Variants in SLC20A1 observed in about 807,000 individuals in gnomAD.
SLC20A1 encodes solute carrier family 20 member 1, also known as sodium-dependent phosphate transporter 1.
In SLC20A1, 28 loss-of-function variants were observed where a neutral mutation model predicts 62.7. The observed-to-expected ratio is 0.45, with a 90% CI of 0.33 to 0.61. The LOEUF (loss-of-function observed/expected upper bound fraction) is 0.61. SLC20A1 is among the 20% of genes least tolerant of loss of function. The pLI, the probability that SLC20A1 is intolerant of heterozygous loss-of-function variation, is 0.02. For synonymous variants in SLC20A1, 305 were observed against 302.9 expected (o/e 1.01, Z -0.07); for missense variants, 673 against 838.6 (o/e 0.80, Z 2.44).
Position 112,659,697 on chromosome 2 carries a change from C to T in SLC20A1, c.1542C>T (p.Leu514=), listed in dbSNP as rs371081476. 7.4e-6 allele frequency: 12 copies of T among 1,614,126 alleles called. No individual in the cohort carries two copies. Among genetic ancestry groups the T allele is most frequent in the East Asian group, 2.2e-5 (1 of 44,898 alleles). The change falls in exon 8 of 11, where the codon CTC becomes CTT. Residue 514 remains leucine, a synonymous_variant. Coordinates refer to ENST00000272542, the MANE Select transcript of SLC20A1 (RefSeq NM_005415.5). ...YDQDKPEVSL[L]FQFLQILTAC... is the part of the protein sequence containing the mutation. ...AGGATAAGCCTGAAGTCTCTCTCCT[C>T]TTCCAGTTCCTGCAGATCCTTACAG...
rs143125270 is a variant in SLC20A1 at position 112,657,620 on chromosome 2, A to G, written c.778+379A>G. Among the ~76,000 whole-genome samples the G allele has an allele frequency of 3.2e-4, 49 of 152,376 alleles. 1 individual carries two copies. The highest frequency in any genetic ancestry group is 1.4e-3 in the South Asian group (7 of 4,832). ...CCTTAATGAAAAATAAGGGGTAGAT[A>G]CAAGATATTTTCGTAGAGGAAATAT... On this transcript the variant is annotated intron_variant, in intron 6 of 10. Coordinates refer to ENST00000272542, the MANE Select transcript of SLC20A1 (RefSeq NM_005415.5).
chr2:112,661,170 C>T lies in SLC20A1; in HGVS notation c.1822C>T (p.Leu608Phe), dbSNP rs749190745. Residue 608 changes from leucine (L) to phenylalanine (F), a missense_variant, in exon 10 of 11, where the codon CTC becomes TTC. Physicochemically the swap from Leu to Phe is conservative, Grantham distance 22 (BLOSUM62 0). Transcript: ENST00000272542. ...SGFSIELASA[L>F]TVVIASNIGL... The stretch of plus-strand genomic sequence containing the variant: ...CTTCAGTATTGAACTGGCATCTGCC[C>T]TCACTGTGGTGATTGCATCAAATAT... The T allele has an allele frequency of 6.2e-7, 1 of 1,614,096 alleles. No individual in the cohort carries two copies. The highest frequency in any genetic ancestry group is 8.5e-7 in the Non-Finnish European group (1 of 1,179,936).
At position 112,647,123 on chromosome 2, in the gene SLC20A1, C is replaced by G. The variant is rs765731739; in HGVS notation, c.295C>G (p.Gln99Glu). The change falls in exon 2 of 11, where the codon CAA (glutamine) becomes GAA (glutamate). Residue 99 changes from glutamine (Q) to glutamate (E), a missense_variant. Transcript: ENST00000272542. ...LIDVEMYNSTQGLLMAGSVSA... is the reference protein window; with the variant it reads ...LIDVEMYNSTEGLLMAGSVSA... ...TGACGTGGAGATGTACAACTCGACT[C>G]AAGGGCTGCTGATGGCCGGCTCAGT... 12 of 1,614,052 alleles carry G rather than the reference C, an allele frequency of 7.4e-6. No homozygotes were observed. The highest frequency in any genetic ancestry group is 9.3e-6 in the Non-Finnish European group (11 of 1,179,956).
At chr2:112,653,021 C>A in intron 5 of SLC20A1, 1 of 1,077,100 alleles carries the variant, frequency 9.3e-7, no homozygotes. Context: ...CAGACCTTTC[C>A]TCTTTAGTCT....
intron 7 of SLC20A1, 36 bp downstream of exon 7, chr2:112,659,130 G>A (rs760128169): frequency 5.0e-6 from 8 of 1,609,372 alleles, no homozygotes; most frequent in Non-Finnish European, 5.9e-6. Flanking sequence ...TTTGTTACCT[G>A]CAGTGGTGAG....
At chr2:112,661,849 G>T (rs984098595) in intron 10 of SLC20A1, among the ~76,000 whole-genome samples, 3 of 151,924 alleles carry the variant, frequency 2.0e-5, no homozygotes, top group African/African-American at 7.2e-5. Context: ...GCGCCCGGCC[G>T]ACAGCATTAT....
chr2:112,647,834 A>G, intron 4 of SLC20A1, 96 bp downstream of exon 4: 3 of 968,772 alleles, frequency 3.1e-6, no homozygotes, highest in South Asian at 2.7e-5. Context: ...GTGTATAGGT[A>G]TGCGGCCTTG....
At chr2:112,654,753 A>G (rs1462822642) in intron 5 of SLC20A1, among the ~76,000 whole-genome samples, 1 of 151,852 alleles carries the variant, frequency 6.6e-6, no homozygotes, top group Non-Finnish European at 1.5e-5. Flanking sequence ...AAAACTAACC[A>G]GGTGCAGTGG....
rs1421429885 is a variant in SLC20A1, at chr2:112,658,717, A to G, written c.779-108A>G. The G allele has an allele frequency of 3.3e-6, 4 of 1,213,166 alleles. No individual in the cohort carries two copies. The African/African-American group carries it at 4.6e-5, about 14-fold the overall frequency. 75.2% of individuals were successfully genotyped at this position (1,213,166 alleles called of 1,614,324 possible). A position where few individuals can be genotyped will look rare whatever the true frequency, so the allele number is the denominator to read the frequency against. ...TTCCTGAATGTTAATTGAAGTTCAC[A>G]TACATTCTTGTTTTGAGATGAGTTT... On this transcript the variant is annotated intron_variant, in intron 6 of 10. Coordinates refer to ENST00000272542, the MANE Select transcript of SLC20A1 (RefSeq NM_005415.5).
intron 5 of SLC20A1, among the ~76,000 whole-genome samples, chr2:112,656,223 T>C (rs139964962): frequency 0.018 from 2,327 of 131,380 alleles, 59 homozygotes; most frequent in African/African-American, 0.063. Flanking sequence ...TGAGACAAAG[T>C]CTGACTTTGT....
chr2:112,651,579 G>C (rs1686437700), intron 4 of SLC20A1, among the ~76,000 whole-genome samples: 1 of 151,644 alleles, frequency 6.6e-6, no homozygotes, highest in Non-Finnish European at 1.5e-5. Context: ...TAATTTTTTT[G>C]GTATTTTTAG....
Position 112,646,749 on chromosome 2 carries a change from T to C in SLC20A1, c.-80T>C, listed in dbSNP as rs992246700. Reference sequence around the variant, plus strand: ...ATAATATATATTATTTATTATAGCATTTTTGATACCTCATATTCTGTTTAC... The same window carrying C: ...ATAATATATATTATTTATTATAGCACTTTTGATACCTCATATTCTGTTTAC... On this transcript the variant is annotated 5_prime_UTR_variant, in exon 2 of 11. Coordinates refer to ENST00000272542, the MANE Select transcript of SLC20A1 (RefSeq NM_005415.5). 2.5e-5 allele frequency: 20 copies of C among 808,390 alleles called. No homozygotes were observed. Among genetic ancestry groups the C allele is most frequent in the Non-Finnish European group, 3.7e-5 (19 of 518,206 alleles). The allele number at this position is 808,390 out of a possible 1,614,324, so 50.1% of individuals were successfully genotyped here.
intron 1 of SLC20A1, 140 bp from the exon 2 acceptor site, chr2:112,646,420 CCTT>C (rs1408766855): frequency 2.6e-5 from 4 of 152,250 alleles, no homozygotes; most frequent in Admixed American, 1.3e-4. Flanking sequence ...ACGTGCCTCT[CCTT>C]CTCGCGCGTC....
At chr2:112,653,514 C>T (rs1264100312) in intron 5 of SLC20A1, among the ~76,000 whole-genome samples, 1 of 152,166 alleles carries the variant, frequency 6.6e-6, no homozygotes, top group African/African-American at 2.4e-5. Context: ...ACTACATAGG[C>T]AGTGACTTTT....
At chr2:112,657,513 TTA>T (rs1307622013) in intron 6 of SLC20A1, among the ~76,000 whole-genome samples, 1 of 152,216 alleles carries the variant, frequency 6.6e-6, no homozygotes, top group Non-Finnish European at 1.5e-5. Flanking sequence ...TTGAATTTTT[TTA>T]TGTTCCTTGA....
chr2:112,662,913 A>C lies in SLC20A1; in HGVS notation c.1928A>C (p.Asp643Ala). 1 of 1,614,046 alleles carries C rather than the reference A, an allele frequency of 6.2e-7. No homozygotes were observed. Among genetic ancestry groups the C allele is most frequent in the Non-Finnish European group, 8.5e-7 (1 of 1,179,996 alleles). The change falls in exon 11 of 11, where the codon GAC becomes GCC. Residue 643 changes from aspartate to alanine, a missense_variant. Transcript: ENST00000272542. ...VGWLRSKKAV[D>A]WRLFRNIFMA... The stretch of plus-strand genomic sequence containing the variant: ...TGGCTCCGGTCCAAGAAGGCTGTTG[A>C]CTGGCGTCTCTTTCGTAACATTTTT...
intron 6 of SLC20A1, among the ~76,000 whole-genome samples, chr2:112,658,050 G>A (rs1686644305): frequency 6.6e-6 from 1 of 152,252 alleles, no homozygotes; most frequent in Admixed American, 6.5e-5. Flanking sequence ...CACCGCAGCT[G>A]AACCGAAGAG....
At chr2:112,646,537 A>C in intron 1 of SLC20A1, 26 bp from the exon 2 acceptor site, 1 of 156,104 alleles carries the variant, frequency 6.4e-6, no homozygotes, top group Non-Finnish European at 1.4e-5. Flanking sequence ...GCACGCAGCT[A>C]TTGTTATTTC....
chr2:112,651,360 TA>T (rs1221929550), intron 4 of SLC20A1, among the ~76,000 whole-genome samples: 3 of 152,190 alleles, frequency 2.0e-5, no homozygotes, highest in Non-Finnish European at 4.4e-5. Context: ...AAGGTCTTTA[TA>T]AAGTTTTTAG....
Sources: gnomAD v4.1 joint callset for allele counts (sites outside exome capture counted in the v4.1 genomes callset) on GRCh38, gnomAD v4.1.1 for gene constraint, MANE v1.5 for transcripts, NCBI Gene and HGNC (gene_info 2026-07-23, HGNC 2026-07-21) for gene names.